Variants in NRG1 observed in about 807,000 individuals in gnomAD.
The protein encoded by NRG1 is neuregulin 1.
Under a neutral mutation model 63.8 loss-of-function variants are expected in NRG1, and 18 were observed. The observed-to-expected ratio is 0.28, with a 90% CI of 0.19 to 0.42. The LOEUF is 0.42. Among genes scored for constraint, NRG1 ranks in the 10% least tolerant of loss-of-function variants. The pLI is 1.00. For synonymous variants in NRG1, 302 were observed against 301.3 expected (o/e 1.00, Z -0.02); for missense variants, 762 against 814.7 (o/e 0.94, Z 0.79).
chr8:32,355,964 C>T (rs1806329830), intron 1 of NRG1, among the ~76,000 whole-genome samples: 2 of 151,874 alleles, frequency 1.3e-5, no homozygotes, highest in African/African-American at 4.8e-5. Flanking sequence ...TGCACGTGCG[C>T]GTGTGTGTGT....
At chr8:32,551,180 A>T (rs1386138297) in intron 1 of NRG1, among the ~76,000 whole-genome samples, 1 of 152,154 alleles carries the variant, frequency 6.6e-6, no homozygotes, top group African/African-American at 2.4e-5. Context: ...AGAAAAACCC[A>T]CACTCTAGGT....
intron 1 of NRG1, among the ~76,000 whole-genome samples, chr8:32,477,349 C>T (rs1824656092): frequency 1.3e-5 from 2 of 152,156 alleles, no homozygotes; most frequent in South Asian, 4.1e-4. Context: ...AGGAGCGGTT[C>T]AGCATCATCA....
At chr8:32,012,171 G>A (rs1814859926) in intron 1 of NRG1, among the ~76,000 whole-genome samples, 1 of 152,044 alleles carries the variant, frequency 6.6e-6, no homozygotes, top group Admixed American at 6.6e-5. Flanking sequence ...TTGCATTTGA[G>A]GTTCTATAAA....
At chr8:31,671,861 A>G (rs898690477) in intron 1 of NRG1, among the ~76,000 whole-genome samples, 1 of 152,160 alleles carries the variant, frequency 6.6e-6, no homozygotes, top group Admixed American at 6.5e-5. Flanking sequence ...ACCATTCTCA[A>G]TAGCAGAAAA....
chr8:32,115,623 A>G (rs1182409161), intron 1 of NRG1, among the ~76,000 whole-genome samples: 1 of 152,098 alleles, frequency 6.6e-6, no homozygotes, highest in South Asian at 2.1e-4. Context: ...ATCCGCATGT[A>G]AGTGGACCCA....
At chr8:32,383,157 G>T (rs1810565493) in intron 1 of NRG1, among the ~76,000 whole-genome samples, 1 of 152,070 alleles carries the variant, frequency 6.6e-6, no homozygotes, top group Admixed American at 6.5e-5. Flanking sequence ...GCCCAGGATT[G>T]GAGGCTGCAG....
At chr8:31,898,018 A>C (rs1831731535) in intron 1 of NRG1, among the ~76,000 whole-genome samples, 1 of 9,728 alleles carries the variant, frequency 1.0e-4, no homozygotes, top group Non-Finnish European at 7.1e-4. Flanking sequence ...ATTCTATCTC[A>C]AAAAAAAAAA....
At chr8:31,755,448 A>G (rs1816874159) in intron 1 of NRG1, among the ~76,000 whole-genome samples, 2 of 152,058 alleles carry the variant, frequency 1.3e-5, no homozygotes, top group African/African-American at 2.4e-5. Flanking sequence ...TCTCCATCCC[A>G]TTGTACATTA....
intron 1 of NRG1, among the ~76,000 whole-genome samples, chr8:32,134,286 A>C (rs971910422): frequency 6.6e-6 from 1 of 152,264 alleles, no homozygotes; most frequent in Non-Finnish European, 1.5e-5. Context: ...TTGCTTATTA[A>C]GTAGATAGGA....
chr8:32,556,964 A>G (rs992907036), intron 1 of NRG1, among the ~76,000 whole-genome samples: 15 of 152,086 alleles, frequency 9.9e-5, no homozygotes, highest in Non-Finnish European at 2.9e-5. Flanking sequence ...AGTTAACACA[A>G]TTTTTCATTT....
intron 1 of NRG1, among the ~76,000 whole-genome samples, chr8:31,729,743 T>A (rs2131346850): frequency 6.6e-6 from 1 of 152,186 alleles, no homozygotes; most frequent in Non-Finnish European, 1.5e-5. Flanking sequence ...GCAAACAGAA[T>A]GTAAGGTTTT....
intron 5 of NRG1, among the ~76,000 whole-genome samples, chr8:32,651,858 A>G (rs1855201535): frequency 6.6e-6 from 1 of 152,142 alleles, no homozygotes; most frequent in African/African-American, 2.4e-5. Flanking sequence ...CAGAACAGTG[A>G]TTTTAAATAA....
At chr8:32,060,975 A>G (rs997051293) in intron 1 of NRG1, among the ~76,000 whole-genome samples, 16 of 152,006 alleles carry the variant, frequency 1.1e-4, no homozygotes, top group African/African-American at 1.4e-4. Flanking sequence ...CCCATCACCT[A>G]TCTTCATCTT....
chr8:32,416,790 C>T (rs1359990364), intron 1 of NRG1, among the ~76,000 whole-genome samples: 6 of 152,162 alleles, frequency 3.9e-5, no homozygotes, highest in Non-Finnish European at 5.9e-5. Context: ...TGGGCTCAAG[C>T]GATCCTCCTA....
chr8:32,088,810 G>A (rs574569709), intron 1 of NRG1, among the ~76,000 whole-genome samples: 4 of 152,174 alleles, frequency 2.6e-5, no homozygotes, highest in East Asian at 1.9e-4. Flanking sequence ...GAGCCACTGC[G>A]CCTGGCCCAG....
chr8:31,684,170 A>G (rs1180064261), intron 1 of NRG1, among the ~76,000 whole-genome samples: 1 of 152,022 alleles, frequency 6.6e-6, no homozygotes, highest in Non-Finnish European at 1.5e-5. Flanking sequence ...TGAATCAGAA[A>G]CTCTGGGAGA....
intron 1 of NRG1, among the ~76,000 whole-genome samples, chr8:32,520,421 A>C (rs1830231350): frequency 6.6e-6 from 1 of 152,042 alleles, no homozygotes; most frequent in African/African-American, 2.4e-5. Flanking sequence ...GGCTTCTCAA[A>C]GAGCTGGGAT....
At chr8:32,101,356 C>G (rs528758691) in intron 1 of NRG1, among the ~76,000 whole-genome samples, 97 of 151,906 alleles carry the variant, frequency 6.4e-4, no homozygotes, top group African/African-American at 2.2e-3. Flanking sequence ...TGCATGCACA[C>G]AAAGCAGCGT....
chr8:32,101,971 GC>G (rs1830636473), intron 1 of NRG1, among the ~76,000 whole-genome samples: 1 of 152,086 alleles, frequency 6.6e-6, no homozygotes, highest in Admixed American at 6.5e-5. Context: ...TGTTTGTAGG[GC>G]TTTTTTAGAG....
Sources: gnomAD v4.1 joint callset for allele counts (sites outside exome capture counted in the v4.1 genomes callset) on GRCh38, gnomAD v4.1.1 for gene constraint, MANE v1.5 for transcripts, NCBI Gene and HGNC (gene_info 2026-07-23, HGNC 2026-07-21) for gene names.